Variants in USP42 observed in about 807,000 individuals in gnomAD.
The protein encoded by USP42 is ubiquitin specific peptidase 42, also known as ubiquitin carboxyl-terminal hydrolase 42.
Under a neutral mutation model 113.0 loss-of-function variants are expected in USP42, and 23 were observed. That is an observed-to-expected ratio of 0.20 (90% CI 0.15 to 0.29). The LOEUF is 0.29. USP42 is among the 10% of genes least tolerant of loss of function. The pLI is 1.00. For missense variants in USP42, 2,174 were observed against 1,779.8 expected (o/e 1.22, Z -3.99); for synonymous variants, 933 against 699.0 (o/e 1.33, Z -5.28).
chr7:6,091,110 A>G, the USP42 span, among the ~76,000 whole-genome samples: 1 of 151,012 alleles, frequency 6.6e-6, no homozygotes, highest in Non-Finnish European at 1.5e-5. Flanking sequence ...TTTATTGCAT[A>G]TGATTTGCTA....
the USP42 span, chr7:6,081,591 C>A: frequency 6.9e-6 from 1 of 145,682 alleles, no homozygotes; most frequent in Admixed American, 6.7e-5. Context: ...CCCGCCCCTT[C>A]TCCTTTCCGA....
chr7:6,147,783 A>G lies in USP42; in HGVS notation c.1277A>G (p.His426Arg), dbSNP rs756710100. Reference protein sequence around the residue: ...KNGGELTHPTHSPGQSSPRPV... With the variant: ...KNGGELTHPTRSPGQSSPRPV... Reference sequence around the variant, plus strand: ...GGAGGTGAACTTACTCATCCCACCCATAGCCCCGGCCAGTCCTCTCCCCGC... The same window carrying G: ...GGAGGTGAACTTACTCATCCCACCCGTAGCCCCGGCCAGTCCTCTCCCCGC... Residue 426 changes from histidine to arginine, a missense_variant, in exon 12 of 18, where the codon CAT becomes CGT. Coordinates refer to ENST00000306177, the MANE Select transcript of USP42 (RefSeq NM_032172.3). The G allele has an allele frequency of 1.9e-5, 31 of 1,605,358 alleles. No homozygotes were observed. The East Asian group carries it at 6.5e-4, about 34-fold the overall frequency.
the USP42 span, among the ~76,000 whole-genome samples, chr7:6,095,541 C>T: frequency 6.6e-6 from 1 of 150,936 alleles, no homozygotes; most frequent in African/African-American, 2.5e-5. Flanking sequence ...TGGTGGCAGG[C>T]ACCTGTAATC....
chr7:6,156,987 G>T lies in USP42; in HGVS notation c.3875G>T (p.Arg1292Leu). 6.2e-7 allele frequency: 1 copy of T among 1,613,604 alleles called. No individual in the cohort carries two copies. The highest frequency in any genetic ancestry group is 8.5e-7 in the Non-Finnish European group (1 of 1,179,696). The change falls in exon 16 of 18, where the codon CGT becomes CTT. Residue 1292 changes from arginine to leucine, a missense_variant. Physicochemically the swap from Arg to Leu is moderately radical, Grantham distance 102. Transcript: ENST00000306177. ...CCTCTGGAAGGCGTCGGACCTTTCCGTGAGAAAACGAAACACTTACGGATG... is the reference window on the plus strand; with the variant it reads ...CCTCTGGAAGGCGTCGGACCTTTCCTTGAGAAAACGAAACACTTACGGATG... ...GPPLEGVGPFREKTKHLRMES... is the reference protein window; with the variant it reads ...GPPLEGVGPFLEKTKHLRMES...
chr7:6,128,343 C>G (rs1027577382), intron 3 of USP42: 1 of 151,354 alleles, frequency 6.6e-6, no homozygotes, highest in African/African-American at 2.4e-5. Flanking sequence ...GCTCACTGCA[C>G]CCTCCAACTC....
chr7:6,138,756 G>A (rs1199322699), intron 4 of USP42, among the ~76,000 whole-genome samples: 1 of 152,180 alleles, frequency 6.6e-6, no homozygotes, highest in Non-Finnish European at 1.5e-5. Context: ...ATTGTGAACT[G>A]TGTGTGCATG....
At chr7:6,102,069 A>T (rs1790143038), upstream of USP42, among the ~76,000 whole-genome samples, 1 of 150,228 alleles carries the variant, frequency 6.7e-6, no homozygotes, top group African/African-American at 2.5e-5. Context: ...ATTCACAAAA[A>T]ATACCTTTTC....
chr7:6,136,352 G>A (rs553248694), intron 4 of USP42, among the ~76,000 whole-genome samples: 38 of 152,046 alleles, frequency 2.5e-4, no homozygotes, highest in South Asian at 1.5e-3. Flanking sequence ...AACCGAACCC[G>A]TCATGTATTA....
chr7:6,156,634 G>T, intron 15 of USP42, 120 bp from the exon 16 acceptor site: 2 of 1,396,604 alleles, frequency 1.4e-6, no homozygotes, highest in South Asian at 3.4e-5. Flanking sequence ...AATTAGATAA[G>T]AATTGTGCGT....
intron 3 of USP42, among the ~76,000 whole-genome samples, chr7:6,134,706 A>G (rs1781033887): frequency 6.6e-6 from 1 of 152,202 alleles, no homozygotes. Context: ...GAAAGTTGTC[A>G]AAAAAGATAT....
intron 9 of USP42, 39 bp downstream of exon 9, chr7:6,144,235 C>A: frequency 1.5e-6 from 2 of 1,377,058 alleles, no homozygotes; most frequent in Non-Finnish European, 2.0e-6. Flanking sequence ...TTATGTCGAG[C>A]CTTTCGAAGC....
chr7:6,130,515 CAT>C (rs1229384646), intron 3 of USP42, among the ~76,000 whole-genome samples: 1 of 152,172 alleles, frequency 6.6e-6, no homozygotes, highest in Non-Finnish European at 1.5e-5. Context: ...GGGCTCCCCA[CAT>C]GATTGTCACA....
At chr7:6,127,679 A>G (rs1272588889) in intron 3 of USP42, among the ~76,000 whole-genome samples, 3 of 152,228 alleles carry the variant, frequency 2.0e-5, no homozygotes, top group Non-Finnish European at 4.4e-5. Context: ...GTAGTTATGT[A>G]GTAAGTCTTG....
Position 6,154,648 on chromosome 7 carries a change from T to C in USP42, c.3094T>C (p.Trp1032Arg), listed in dbSNP as rs1438702032. The part of the protein sequence containing the change: ...SRHRSGVELD[W>R]VRHHYTEGER... ...ACACCGGAGCGGGGTGGAGCTGGAC[T>C]GGGTCAGACACCACTACACCGAGGG... Residue 1032 changes from tryptophan (W) to arginine (R), a missense_variant, in exon 15 of 18, where the codon TGG (tryptophan) becomes CGG (arginine). Physicochemically the swap from Trp to Arg is moderately radical, Grantham distance 101 (BLOSUM62 -3). Transcript: ENST00000306177. The C allele has an allele frequency of 6.2e-7, 1 of 1,606,008 alleles. No individual in the cohort carries two copies. The highest frequency in any genetic ancestry group is 1.3e-5 in the African/African-American group (1 of 74,874).
the USP42 span, among the ~76,000 whole-genome samples, chr7:6,090,268 C>T: frequency 7.1e-6 from 1 of 140,462 alleles, no homozygotes; most frequent in Non-Finnish European, 1.5e-5. Context: ...CCATTGCACA[C>T]CAGCCTGGGC....
rs1383850053 is a variant in USP42, at chr7:6,154,900, A to G, written c.3346A>G (p.Ser1116Gly). 28 of 1,542,844 alleles carry G rather than the reference A, an allele frequency of 1.8e-5. No homozygotes were observed. Among genetic ancestry groups the G allele is most frequent in the Non-Finnish European group, 2.4e-5 (27 of 1,142,878 alleles). ...GGAGAGGGAGCGGCACCGCCCCAGC[A>G]GCCCCCGCGCAGGCGCGCCCCACGC... The part of the protein sequence containing the change: ...ARERERHRPS[S>G]PRAGAPHALA... Residue 1116 changes from serine to glycine, a missense_variant, in exon 15 of 18, where the codon AGC becomes GGC. Coordinates refer to ENST00000306177, the MANE Select transcript of USP42 (RefSeq NM_032172.3).
the USP42 span, among the ~76,000 whole-genome samples, chr7:6,093,309 C>T: frequency 6.8e-6 from 1 of 147,466 alleles, no homozygotes; most frequent in Non-Finnish European, 1.5e-5. Context: ...GCCTTGGGAC[C>T]AAGTCTCACT....
intron 15 of USP42, among the ~76,000 whole-genome samples, chr7:6,155,424 C>T (rs1205493807): frequency 1.3e-5 from 2 of 152,180 alleles, no homozygotes; most frequent in South Asian, 2.1e-4. Context: ...CGTTAAATGC[C>T]TAACAACCTT....
chr7:6,130,111 A>C (rs1469610124), intron 3 of USP42, among the ~76,000 whole-genome samples: 1 of 152,040 alleles, frequency 6.6e-6, no homozygotes, highest in Non-Finnish European at 1.5e-5. Flanking sequence ...TCGACCTCCG[A>C]AAGTGCTAGA....
Sources: gnomAD v4.1 joint callset for allele counts (sites outside exome capture counted in the v4.1 genomes callset) on GRCh38, gnomAD v4.1.1 for gene constraint, MANE v1.5 for transcripts, NCBI Gene and HGNC (gene_info 2026-07-23, HGNC 2026-07-21) for gene names.